The following LPA variants were observed in gnomAD, a reference collection of about 807,000 sequenced individuals.
LPA encodes the protein apolipoprotein(a).
A neutral mutation model predicts 197.9 loss-of-function variants in LPA; 199 were observed. The ratio of observed to expected loss-of-function variants is 1.01; its 90% CI spans 0.90 to 1.13. LPA has a LOEUF of 1.13. Ranked by LOEUF, LPA falls within the 50% of genes most tolerant of loss-of-function variation. LPA has a pLI of 0.00. For synonymous variants in LPA, 715 were observed against 639.5 expected, an observed-to-expected ratio of 1.12 and a Z score of -1.78; for missense variants, 1,853 against 1,785.8, an observed-to-expected ratio of 1.04 and a Z score of -0.68.
At chr6:160,555,248 T>TATTAC (rs1281611177) in intron 30 of LPA, among the ~76,000 whole-genome samples, 1 of 120,312 alleles carries the variant, frequency 8.3e-6, no homozygotes, top group Non-Finnish European at 1.7e-5. Flanking sequence ...AATTATATTA[T>TATTAC]ATTATATTAT....
chr6:160,600,997 C>T lies in LPA; in HGVS notation c.3047G>A (p.Arg1016Gln), dbSNP rs1583611328. The T allele has an allele frequency of 3.7e-6, 6 of 1,613,970 alleles. No individual in the cohort carries two copies. Among genetic ancestry groups the T allele is most frequent in the Non-Finnish European group, 5.1e-6 (6 of 1,179,916 alleles). The change falls in exon 19 of 39, where the codon CGA (arginine) becomes CAA (glutamine). Residue 1016 changes from arginine (R) to glutamine (Q), a missense_variant. Arg to Gln is a conservative substitution (Grantham distance 43). Transcript: ENST00000316300. The part of the protein sequence containing the change: ...SVRWEYCNLT[R>Q]CSDAEWTAFV... Reference sequence around the variant, plus strand: ...GGCAGTCCATTCTGCATCTGAGCATCGTGTCAGGTTGCAGTACTCCCACCT... The same window carrying T: ...GGCAGTCCATTCTGCATCTGAGCATTGTGTCAGGTTGCAGTACTCCCACCT...
At chr6:160,576,466 G>A (rs1356586573) in intron 28 of LPA, among the ~76,000 whole-genome samples, 4 of 133,382 alleles carry the variant, frequency 3.0e-5, no homozygotes, top group African/African-American at 1.1e-4. Context: ...GTGTGTAAAT[G>A]AATATTCAGT....
At chr6:160,584,385 G>T (rs1315889025) in intron 26 of LPA, among the ~76,000 whole-genome samples, 2 of 143,198 alleles carry the variant, frequency 1.4e-5, no homozygotes, top group Non-Finnish European at 3.0e-5. Context: ...AGGCTGGAGT[G>T]CAGTGGCATG....
chr6:160,652,016 CAAA>C (rs58821197), intron 1 of LPA, among the ~76,000 whole-genome samples: 1 of 122,548 alleles, frequency 8.2e-6, no homozygotes, highest in East Asian at 3.4e-4. Context: ...GAGTTCCTGA[CAAA>C]AAAAAAAAAG....
chr6:160,662,371 T>G (rs1780241131), intron 1 of LPA, among the ~76,000 whole-genome samples: 1 of 152,228 alleles, frequency 6.6e-6, no homozygotes, highest in African/African-American at 2.4e-5. Context: ...AATTTGTGAA[T>G]AGAAGATGTT....
Position 160,611,398 on chromosome 6 carries a change from C to T in LPA, c.2603+164G>A, listed in dbSNP as rs575634060. ...GAAGGTGAGGCAGCTTAACATTTCTCTTCTCTCAGACCCTTAGCTCCAAGG... is the reference window on the plus strand; with the variant it reads ...GAAGGTGAGGCAGCTTAACATTTCTTTTCTCTCAGACCCTTAGCTCCAAGG... On this transcript the variant is annotated intron_variant, in intron 16 of 38. Coordinates refer to ENST00000316300, the MANE Select transcript of LPA (RefSeq NM_005577.4). Among the ~76,000 whole-genome samples, 76 of 152,206 alleles carry T rather than the reference C, an allele frequency of 5.0e-4. 1 individual carries two copies. Among genetic ancestry groups the T allele is most frequent in the African/African-American group, 1.7e-3 (72 of 41,514 alleles).
At chr6:160,656,103 C>T (rs537300824) in intron 1 of LPA, among the ~76,000 whole-genome samples, 29 of 152,328 alleles carry the variant, frequency 1.9e-4, no homozygotes, top group African/African-American at 5.3e-4. Context: ...CTTGGTTAAG[C>T]TTAAAATAAT....
Position 160,577,235 on chromosome 6 carries a change from C to G in LPA, c.4532G>C (p.Arg1511Pro), listed in dbSNP as rs746819045. 5 of 1,613,794 alleles carry G rather than the reference C, an allele frequency of 3.1e-6. No homozygotes were observed. The highest frequency in any genetic ancestry group is 1.7e-5 in the Admixed American group (1 of 60,006). ...TGTGACAGTGGTGGAGGATATGCCT[C>G]GATAACTCCGTCCATCACCATGGTA... is the stretch of plus-strand genomic sequence containing the variant. ...DCYHGDGRSYRGISSTTVTGR... is the reference protein window; with the variant it reads ...DCYHGDGRSYPGISSTTVTGR... Residue 1511 changes from arginine (R) to proline (P), a missense_variant, in exon 28 of 39, where the codon CGA becomes CCA. By Grantham distance (103) the Arg-to-Pro change is moderately radical. Around this residue, in one of 3 missense-constraint regions of LPA, gnomAD observed 1,737 missense variants for 1,504.4 expected, o/e 1.15. Coordinates refer to ENST00000316300, the MANE Select transcript of LPA (RefSeq NM_005577.4).
chr6:160,603,019 T>G (rs1331650653), intron 18 of LPA, among the ~76,000 whole-genome samples: 1 of 143,926 alleles, frequency 6.9e-6, no homozygotes, highest in Admixed American at 7.0e-5. Context: ...TTTTTGGAAA[T>G]TCCCTGTCTG....
intron 16 of LPA, among the ~76,000 whole-genome samples, chr6:160,608,197 C>A (rs375356622): frequency 6.6e-6 from 1 of 152,270 alleles, no homozygotes; most frequent in Admixed American, 6.5e-5. Flanking sequence ...AAGTTCCCTT[C>A]TTGTACTATT....
chr6:160,577,237 A>T lies in LPA; in HGVS notation c.4530T>A (p.Tyr1510Ter), dbSNP rs941262007. The part of the protein sequence containing the change: ...QDCYHGDGRS[Y>*]RGISSTTVTG... ...TGACAGTGGTGGAGGATATGCCTCG[A>T]TAACTCCGTCCATCACCATGGTAGC... is the stretch of plus-strand genomic sequence containing the variant. The change falls in exon 28 of 39, where the codon TAT (tyrosine) becomes TAA (stop). Residue 1510 changes from tyrosine to a stop codon, truncating the protein, a stop_gained. Transcript: ENST00000316300. LOFTEE classifies it high-confidence loss of function. 27 of 1,613,840 alleles carry T rather than the reference A, an allele frequency of 1.7e-5. No individual in the cohort carries two copies. The highest frequency in any genetic ancestry group is 2.1e-5 in the Non-Finnish European group (25 of 1,179,882).
At chr6:160,538,677 A>C (rs1777930033) in intron 36 of LPA, among the ~76,000 whole-genome samples, 2 of 152,110 alleles carry the variant, frequency 1.3e-5, no homozygotes, top group African/African-American at 4.8e-5. Context: ...ATTAGCACCA[A>C]CTTTGAAGCA....
At chr6:160,598,525 G>A (rs985288392) in intron 20 of LPA, among the ~76,000 whole-genome samples, 1 of 152,166 alleles carries the variant, frequency 6.6e-6, no homozygotes, top group East Asian at 1.9e-4. Flanking sequence ...TGGTCCTCTA[G>A]CATCTGTTGT....
chr6:160,654,056 T>TAA lies in LPA; in HGVS notation c.50-3560_50-3559insTT, dbSNP rs1780079104. 5.9e-3 allele frequency among the ~76,000 whole-genome samples: 41 copies of TAA among 6,944 alleles called. 2 individuals are homozygous for TAA. Among genetic ancestry groups the TAA allele is most frequent in the African/African-American group, 0.017 (27 of 1,636 alleles). The allele number at this position is 6,944 out of a possible 152,430, so 4.6% of individuals were successfully genotyped here. A position where few individuals can be genotyped will look rare whatever the true frequency, so the allele number is the denominator to read the frequency against. ...TATATTATATATAATATATAATATA[T>TAA]TATATATATTATATATAATATATAT... On this transcript the variant is annotated intron_variant, in intron 1 of 38. Coordinates refer to ENST00000316300, the MANE Select transcript of LPA (RefSeq NM_005577.4).
At chr6:160,578,908 G>A (rs1288991779) in intron 26 of LPA, among the ~76,000 whole-genome samples, 1 of 152,134 alleles carries the variant, frequency 6.6e-6, no homozygotes, top group Non-Finnish European at 1.5e-5. Context: ...TATAATTTTT[G>A]TTTTAAAACA....
At chr6:160,657,202 T>A (rs1830522) in intron 1 of LPA, among the ~76,000 whole-genome samples, 21 of 151,916 alleles carry the variant, frequency 1.4e-4, no homozygotes, top group Non-Finnish European at 2.6e-4. Context: ...TTCACAAAGC[T>A]TCGGCCAAGG....
chr6:160,575,863 A>G (rs1778645294), intron 28 of LPA, among the ~76,000 whole-genome samples: 2 of 152,170 alleles, frequency 1.3e-5, no homozygotes, highest in Admixed American at 1.3e-4. Flanking sequence ...TTCTAGGTAC[A>G]TGACTGTAGC....
At chr6:160,647,373 C>T (rs1263284808) in intron 2 of LPA, among the ~76,000 whole-genome samples, 4 of 152,202 alleles carry the variant, frequency 2.6e-5, no homozygotes, top group Admixed American at 1.3e-4. Context: ...TCAGTATCCT[C>T]ACATTCATGA....
At chr6:160,552,647 A>C (rs1778184901) in intron 30 of LPA, among the ~76,000 whole-genome samples, 1 of 152,236 alleles carries the variant, frequency 6.6e-6, no homozygotes, top group South Asian at 2.1e-4. Context: ...TGCATCCATT[A>C]ATCACCACTC....
Sources: allele counts gnomAD v4.1 joint callset (sites outside exome capture counted in the v4.1 genomes callset), GRCh38; gene constraint gnomAD v4.1.1; regional missense constraint gnomAD v4.1.1; transcripts MANE v1.5; gene names NCBI Gene and HGNC (gene_info 2026-07-23, HGNC 2026-07-21).